PCDH15: variants seen among roughly 807,000 people sequenced by gnomAD.
PCDH15 encodes the protein protocadherin related 15, also known as protocadherin-15.
In PCDH15, 129 loss-of-function variants were observed where a neutral mutation model predicts 178.5. The observed-to-expected ratio is 0.72, with a 90% CI of 0.63 to 0.84. The LOEUF is 0.84. Among genes scored for constraint, PCDH15 ranks in the 40% least tolerant of loss-of-function variants. The probability of loss-of-function intolerance (pLI) is 0.00; values close to 1 mark genes in which losing one functional copy is unlikely to be tolerated. For synonymous variants in PCDH15, 800 were observed against 732.0 expected (o/e 1.09, Z -1.50); for missense variants, 2,230 against 2,099.9 (o/e 1.06, Z -1.21).
At chr10:55,009,670 C>T (rs371358645) in intron 2 of PCDH15, among the ~76,000 whole-genome samples, 1 of 151,888 alleles carries the variant, frequency 6.6e-6, no homozygotes, top group Non-Finnish European at 1.5e-5. Flanking sequence ...TTAGGTGTTA[C>T]CTGTTCCAAG....
At chr10:55,579,263 G>A (rs1377750632) in intron 2 of PCDH15, among the ~76,000 whole-genome samples, 1 of 152,108 alleles carries the variant, frequency 6.6e-6, no homozygotes, top group Non-Finnish European at 1.5e-5. Context: ...CAATATAAAA[G>A]TACTATAAAT....
intron 2 of PCDH15, among the ~76,000 whole-genome samples, chr10:55,573,060 A>G (rs545549019): frequency 1.3e-5 from 2 of 152,094 alleles, no homozygotes; most frequent in African/African-American, 2.4e-5. Flanking sequence ...AAGAGGCATA[A>G]GTGGAAAACA....
chr10:55,090,633 A>G (rs1327278757), intron 2 of PCDH15, among the ~76,000 whole-genome samples: 1 of 152,058 alleles, frequency 6.6e-6, no homozygotes, highest in African/African-American at 2.4e-5. Context: ...AATCTACCTT[A>G]TTCTATCACC....
At chr10:54,472,664 CG>C (rs1422287184) in intron 3 of PCDH15, among the ~76,000 whole-genome samples, 2 of 152,002 alleles carry the variant, frequency 1.3e-5, no homozygotes, top group African/African-American at 2.4e-5. Flanking sequence ...AAAATAAAAA[CG>C]CATGGCAGTG....
At chr10:54,146,571 GT>G (rs2043923122) in intron 14 of PCDH15, among the ~76,000 whole-genome samples, 1 of 151,480 alleles carries the variant, frequency 6.6e-6, no homozygotes, top group South Asian at 2.1e-4. Context: ...TATTTCTTCT[GT>G]ATGCTTATCA....
Position 53,805,067 on chromosome 10 carries a change from C to G in PCDH15, c.*1512G>C, listed in dbSNP as rs192798236. The G allele has an allele frequency of 1.3e-5, 2 of 151,916 alleles. No homozygotes were observed. The highest frequency in any genetic ancestry group is 4.8e-5 in the African/African-American group (2 of 41,366). The allele number at this position is 151,916 out of a possible 1,614,324, so 9.4% of individuals were successfully genotyped here. A position where few individuals can be genotyped will look rare whatever the true frequency, so the allele number is the denominator to read the frequency against. On this transcript the variant is annotated 3_prime_UTR_variant, in exon 38 of 38. Transcript: ENST00000644397. ...CTGAAGTAAAAACATACTACTCTTA[C>G]AAGTCGGCAAGTTTATGTCAGTACA... is the stretch of plus-strand genomic sequence containing the variant.
rs1564876097 is a variant in PCDH15, at chr10:53,964,380, A to ATTTATATATTTTATTTATTCATAAAATT, written c.2869-2489_2869-2488insAATTTTATGAATAAATAAAATATATAAA. Among the ~76,000 whole-genome samples, 5 of 117,922 alleles carry ATTTATATATTTTATTTATTCATAAAATT rather than the reference A, an allele frequency of 4.2e-5. No homozygotes were observed. In the South Asian group the frequency reaches 1.4e-3, roughly 33 times the overall value. 77.4% of individuals were successfully genotyped at this position (117,922 alleles called of 152,430 possible). On this transcript the variant is annotated intron_variant, in intron 21 of 37. Coordinates refer to ENST00000644397, the MANE Select transcript of PCDH15 (RefSeq NM_001384140.1). ...TAATTTTTTATTTATAAAAAAATTT[A>ATTTATATATTTTATTTATTCATAAAATT]TTTATAAATTTTATTTATTCATAAA...
intron 3 of PCDH15, among the ~76,000 whole-genome samples, chr10:54,425,223 A>T (rs1430658966): frequency 6.6e-6 from 1 of 152,008 alleles, no homozygotes; most frequent in Non-Finnish European, 1.5e-5. Context: ...TAAAGAGGGG[A>T]TTGGATCATG....
intron 2 of PCDH15, among the ~76,000 whole-genome samples, chr10:55,007,358 C>T (rs1839956080): frequency 6.6e-6 from 1 of 150,642 alleles, no homozygotes; most frequent in African/African-American, 2.5e-5. Flanking sequence ...AACATACTTT[C>T]AGAAAATAGT....
upstream of PCDH15, among the ~76,000 whole-genome samples, chr10:54,802,578 T>A (rs561547460): frequency 1.3e-5 from 2 of 152,314 alleles, no homozygotes; most frequent in East Asian, 1.9e-4. Context: ...TTAGAACTGA[T>A]ATTTTTAGAT....
chr10:54,038,939 ATT>A (rs1565094160), intron 18 of PCDH15, among the ~76,000 whole-genome samples: 1 of 151,944 alleles, frequency 6.6e-6, no homozygotes, highest in Non-Finnish European at 1.5e-5. Context: ...CTAGGGTTTG[ATT>A]TTTTTGATCC....
intron 32 of PCDH15, chr10:53,825,005 T>C: frequency 8.5e-7 from 1 of 1,172,146 alleles, no homozygotes; most frequent in Non-Finnish European, 1.1e-6. Flanking sequence ...GACAAAACTT[T>C]CCTTTTAACA....
At chr10:54,871,409 T>A (rs1954037949) in intron 3 of PCDH15, among the ~76,000 whole-genome samples, 1 of 142,854 alleles carries the variant, frequency 7.0e-6, no homozygotes, top group Non-Finnish European at 1.5e-5. Flanking sequence ...TGTGGTCTAG[T>A]ACAGACGAAG....
intron 2 of PCDH15, among the ~76,000 whole-genome samples, chr10:54,966,478 C>T (rs59447643): frequency 0.019 from 2,923 of 152,104 alleles, 107 homozygotes; most frequent in African/African-American, 0.067. Flanking sequence ...TAGCCTATTG[C>T]TTCTAGGCTA....
chr10:54,032,348 A>C (rs950627210), intron 18 of PCDH15, among the ~76,000 whole-genome samples: 4 of 151,528 alleles, frequency 2.6e-5, no homozygotes, highest in Non-Finnish European at 5.9e-5. Flanking sequence ...TTTTTCTGTC[A>C]TTTTTTAATA....
At chr10:55,333,769 C>T (rs1012790175) in intron 2 of PCDH15, among the ~76,000 whole-genome samples, 14 of 150,958 alleles carry the variant, frequency 9.3e-5, no homozygotes, top group African/African-American at 1.5e-4. Flanking sequence ...ATGTCAGTGC[C>T]GGTTACATAA....
At chr10:54,426,441 A>G (rs1956275312) in intron 3 of PCDH15, among the ~76,000 whole-genome samples, 1 of 152,116 alleles carries the variant, frequency 6.6e-6, no homozygotes, top group South Asian at 2.1e-4. Context: ...AAATGCTGCC[A>G]GTGATCTGAC....
intron 3 of PCDH15, among the ~76,000 whole-genome samples, chr10:54,811,499 T>C (rs1030902667): frequency 1.3e-5 from 2 of 152,156 alleles, no homozygotes; most frequent in African/African-American, 4.8e-5. Context: ...TGAGATGTAT[T>C]TGTGCTCTGT....
intron 9 of PCDH15, among the ~76,000 whole-genome samples, chr10:54,235,720 T>C (rs2054562628): frequency 6.6e-6 from 1 of 152,198 alleles, no homozygotes; most frequent in Non-Finnish European, 1.5e-5. Flanking sequence ...ACCTAGAACA[T>C]TCATCTCTCA....
Sources: allele counts gnomAD v4.1 joint callset (sites outside exome capture counted in the v4.1 genomes callset), GRCh38; gene constraint gnomAD v4.1.1; transcripts MANE v1.5; gene names NCBI Gene and HGNC (gene_info 2026-07-23, HGNC 2026-07-21).